The following ASTN1 variants were observed in gnomAD, a reference collection of about 807,000 sequenced individuals.
The protein encoded by ASTN1 is astrotactin 1, also known as astrotactin-1.
A neutral mutation model predicts 140.7 loss-of-function variants in ASTN1; 41 were observed. The ratio of observed to expected loss-of-function variants is 0.29; its 90% CI spans 0.23 to 0.38. The LOEUF (loss-of-function observed/expected upper bound fraction) is 0.38, where lower values mean the gene tolerates loss of function less well. ASTN1 is among the 10% of genes least tolerant of loss of function. The probability of loss-of-function intolerance (pLI) is 1.00; values close to 1 mark genes in which losing one functional copy is unlikely to be tolerated. For missense variants in ASTN1, 1,479 were observed against 1,678.8 expected, an observed-to-expected ratio of 0.88 and a Z score of 2.08; for synonymous variants, 640 against 652.2, an observed-to-expected ratio of 0.98 and a Z score of 0.29.
intron 22 of ASTN1, 34 bp downstream of exon 22, chr1:176,868,810 G>T (rs777268851): frequency 3.5e-5 from 55 of 1,549,466 alleles, no homozygotes; most frequent in Non-Finnish European, 4.5e-5. Context: ...ATTTCAAGAA[G>T]TCTTTAAAAG....
At chr1:177,159,912 A>G (rs1647257584) in intron 1 of ASTN1, among the ~76,000 whole-genome samples, 1 of 152,240 alleles carries the variant, frequency 6.6e-6, no homozygotes, top group Non-Finnish European at 1.5e-5. Flanking sequence ...GAGAATTCCC[A>G]AACTCTTCTT....
intron 14 of ASTN1, among the ~76,000 whole-genome samples, chr1:176,939,640 T>G (rs1186772312): frequency 6.6e-6 from 1 of 152,162 alleles, no homozygotes; most frequent in East Asian, 1.9e-4. Flanking sequence ...TAAAAAATTT[T>G]TATTATTTTG....
intron 3 of ASTN1, among the ~76,000 whole-genome samples, chr1:177,031,343 C>T (rs1316905533): frequency 6.6e-6 from 1 of 152,218 alleles, no homozygotes; most frequent in Non-Finnish European, 1.5e-5. Context: ...TGCCCCTTCT[C>T]TTTCATCACA....
At chr1:177,128,058 T>C (rs1681753681) in intron 1 of ASTN1, among the ~76,000 whole-genome samples, 1 of 152,156 alleles carries the variant, frequency 6.6e-6, no homozygotes, top group South Asian at 2.1e-4. Flanking sequence ...AGAAGTGGTT[T>C]GGGGGGCTTC....
chr1:177,009,296 A>G (rs1395922205), intron 8 of ASTN1, among the ~76,000 whole-genome samples: 5 of 152,182 alleles, frequency 3.3e-5, no homozygotes, highest in African/African-American at 1.2e-4. Context: ...CTCAGAGGCA[A>G]AGGTATCCTC....
chr1:177,118,158 T>C (rs1347823990), intron 1 of ASTN1, among the ~76,000 whole-genome samples: 4 of 152,176 alleles, frequency 2.6e-5, no homozygotes, highest in African/African-American at 9.7e-5. Context: ...CCCACCACAG[T>C]ACCTTCAACA....
intron 8 of ASTN1, 88 bp from the exon 9 acceptor site, chr1:176,965,325 A>T: frequency 7.6e-7 from 1 of 1,322,574 alleles, no homozygotes; most frequent in Non-Finnish European, 1.1e-6. Context: ...GCTAGGTGGT[A>T]GACACCCAGC....
At chr1:177,090,824 C>T (rs549796771) in intron 1 of ASTN1, among the ~76,000 whole-genome samples, 183 of 152,176 alleles carry the variant, frequency 1.2e-3, no homozygotes, top group Middle Eastern at 3.4e-3. Flanking sequence ...TCCCAAGGCT[C>T]CCACATTTTT....
chr1:177,141,470 GAA>G (rs66494741), intron 1 of ASTN1, among the ~76,000 whole-genome samples: 2 of 151,536 alleles, frequency 1.3e-5, no homozygotes, highest in South Asian at 2.1e-4. Context: ...GAATATGGGG[GAA>G]AAAAAACTGA....
At chr1:176,892,647 G>A (rs1669314874) in intron 17 of ASTN1, among the ~76,000 whole-genome samples, 1 of 152,204 alleles carries the variant, frequency 6.6e-6, no homozygotes, top group African/African-American at 2.4e-5. Flanking sequence ...CTGAAATATA[G>A]CATCAGAGAT....
chr1:176,894,899 C>G (rs1427614934), intron 16 of ASTN1, 69 bp from the exon 17 acceptor site: 1 of 1,587,344 alleles, frequency 6.3e-7, no homozygotes, highest in Non-Finnish European at 8.6e-7. Flanking sequence ...ACCTCGTGGC[C>G]CCTGAGTGCT....
intron 8 of ASTN1, among the ~76,000 whole-genome samples, chr1:177,014,147 T>C (rs1178661567): frequency 6.6e-6 from 1 of 151,924 alleles, no homozygotes; most frequent in African/African-American, 2.4e-5. Context: ...AATGGTTAAA[T>C]GACACATTGT....
chr1:176,949,424 C>A, intron 11 of ASTN1, 73 bp from the exon 12 acceptor site: 1 of 1,466,188 alleles, frequency 6.8e-7, no homozygotes. Flanking sequence ...TGAGTGTAAC[C>A]ACTGACACCA....
At chr1:177,104,515 G>A (rs986369995) in intron 1 of ASTN1, among the ~76,000 whole-genome samples, 2 of 152,172 alleles carry the variant, frequency 1.3e-5, no homozygotes, top group African/African-American at 4.8e-5. Context: ...AGTCAATAAA[G>A]AGGAGATAGA....
intron 8 of ASTN1, among the ~76,000 whole-genome samples, chr1:176,985,504 T>C (rs1247016205): frequency 6.6e-6 from 1 of 152,122 alleles, no homozygotes; most frequent in Non-Finnish European, 1.5e-5. Flanking sequence ...AAACAAAGAC[T>C]CCAGGCTAAA....
intron 5 of ASTN1, 60 bp downstream of exon 5, chr1:177,029,574 T>C (rs1345305722): frequency 6.5e-7 from 1 of 1,539,256 alleles, no homozygotes; most frequent in Admixed American, 1.7e-5. Context: ...CTCTTCGCCT[T>C]CCCCCGCCTC....
intron 1 of ASTN1, among the ~76,000 whole-genome samples, chr1:177,092,181 G>T (rs1211109632): frequency 6.6e-6 from 1 of 151,922 alleles, no homozygotes; most frequent in African/African-American, 2.4e-5. Flanking sequence ...TCCCATTTTT[G>T]ACTGCACTCA....
chr1:176,948,420 G>C (rs1245335552), intron 12 of ASTN1, among the ~76,000 whole-genome samples: 1 of 152,136 alleles, frequency 6.6e-6, no homozygotes, highest in Non-Finnish European at 1.5e-5. Context: ...TATAATTCCA[G>C]TCAGCAGTAT....
chr1:176,873,146 T>C (rs1382121655), intron 21 of ASTN1, among the ~76,000 whole-genome samples: 1 of 152,212 alleles, frequency 6.6e-6, no homozygotes, highest in Non-Finnish European at 1.5e-5. Context: ...CAGGGTTCGA[T>C]AAATGGCTGT....
Sources: allele counts gnomAD v4.1 joint callset (sites outside exome capture counted in the v4.1 genomes callset), GRCh38; gene constraint gnomAD v4.1.1; transcripts MANE v1.5; gene names NCBI Gene and HGNC (gene_info 2026-07-23, HGNC 2026-07-21).